DMD: variants seen among roughly 807,000 people sequenced by gnomAD.
DMD encodes the protein mutant dystrophin.
In DMD, 63 loss-of-function variants were observed where a neutral mutation model predicts 330.1. The ratio of observed to expected loss-of-function variants is 0.19; its 90% CI spans 0.16 to 0.24. DMD has a LOEUF of 0.24. Ranked by LOEUF, DMD falls within the 10% of genes least tolerant of loss-of-function variation. The pLI is 1.00. For missense variants in DMD, 3,344 were observed against 2,684.1 expected (o/e 1.25, Z -5.43); for synonymous variants, 1,223 against 959.8 (o/e 1.27, Z -5.07).
chrX:31,928,282 A>G (rs143424769), intron 47 of DMD, among the ~76,000 whole-genome samples: 2,152 of 111,587 alleles, frequency 0.019, 58 homozygotes, highest in African/African-American at 0.066. Flanking sequence ...CTATTGCTTA[A>G]TGGTTACAGA....
rs758748257 is a variant in DMD at position 31,216,862 on chromosome X, A to G, written c.9361+6185T>C. 3.6e-5 allele frequency among the ~76,000 whole-genome samples: 4 copies of G among 111,092 alleles called. No individual in the cohort carries two copies. In the East Asian group the frequency reaches 1.1e-3, roughly 32 times the overall value. ...TCCAGAAACTGTGACTATTCACACAACTCCAGCCTGTACCAAATCTCTATA... is the reference window on the plus strand; with the variant it reads ...TCCAGAAACTGTGACTATTCACACAGCTCCAGCCTGTACCAAATCTCTATA... On this transcript the variant is annotated intron_variant, in intron 64 of 78. Transcript: ENST00000357033.
intron 60 of DMD, among the ~76,000 whole-genome samples, chrX:31,388,969 A>G (rs2060582011): frequency 8.9e-6 from 1 of 112,760 alleles, no homozygotes; most frequent in Non-Finnish European, 1.9e-5. Context: ...TCAGCATCCT[A>G]TTAGGAAAAG....
Position 31,679,489 on chromosome X carries a change from C to T in DMD, c.7758G>A (p.Leu2586=). The change falls in exon 53 of 79, where the codon CTG becomes CTA. Residue 2586 remains leucine (L), a synonymous_variant. Coordinates refer to ENST00000357033, the MANE Select transcript of DMD (RefSeq NM_004006.3). ...CCTGCTCAGCTTCTTCCTTAGCTTC[C>T]AGCCATTGTGTTGAATCCTTTAACA... ...NEMLKDSTQW[L]EAKEEAEQVL... 8.3e-7 allele frequency: 1 copy of T among 1,211,853 alleles called. No homozygotes were observed. The highest frequency in any genetic ancestry group is 3.0e-5 in the East Asian group (1 of 33,846).
intron 55 of DMD, among the ~76,000 whole-genome samples, chrX:31,621,204 C>T (rs993926259): frequency 7.2e-5 from 8 of 111,790 alleles, no homozygotes; most frequent in African/African-American, 2.3e-4. Flanking sequence ...ACTGATTTCT[C>T]ATTTTACCTC....
intron 2 of DMD, among the ~76,000 whole-genome samples, chrX:32,900,703 T>G (rs1310342335): frequency 9.0e-6 from 1 of 110,848 alleles, no homozygotes; most frequent in Non-Finnish European, 1.9e-5. Flanking sequence ...TGCTCTATAT[T>G]CCTTACACAT....
At position 32,365,175 on chromosome X, in the gene DMD, G is replaced by C. The variant is rs762250680; in HGVS notation, c.4870C>G (p.Gln1624Glu). The change falls in exon 35 of 79, where the codon CAG (glutamine) becomes GAG (glutamate). Residue 1624 changes from glutamine (Q) to glutamate (E), a missense_variant. Gln to Glu is a conservative substitution (Grantham distance 29). Transcript: ENST00000357033. ...GKATQKEIEKQKVHLKSITEV... is the reference protein window; with the variant it reads ...GKATQKEIEKEKVHLKSITEV... ...GTGATACTCTTCAGGTGCACCTTCT[G>C]TTTCTCAATCTCTTTTTGAGTAGCC... 2.5e-6 allele frequency: 3 copies of C among 1,210,744 alleles called. No homozygotes were observed. The highest frequency in any genetic ancestry group is 3.4e-6 in the Non-Finnish European group (3 of 895,048).
chrX:32,774,635 G>C (rs1410235156), intron 7 of DMD, among the ~76,000 whole-genome samples: 1 of 110,940 alleles, frequency 9.0e-6, no homozygotes. Flanking sequence ...GAACTTGTGA[G>C]AACTATCATG....
intron 2 of DMD, among the ~76,000 whole-genome samples, chrX:32,902,349 T>C (rs2086341624): frequency 9.0e-6 from 1 of 110,989 alleles, no homozygotes; most frequent in South Asian, 3.7e-4. Context: ...ATTCATGATA[T>C]ATTTAGAAAG....
chrX:32,520,094 G>T (rs1184526494), intron 17 of DMD, among the ~76,000 whole-genome samples: 1 of 111,815 alleles, frequency 8.9e-6, no homozygotes, highest in South Asian at 3.7e-4. Flanking sequence ...CCATGTCACT[G>T]AATGTCAGTA....
intron 44 of DMD, among the ~76,000 whole-genome samples, chrX:32,186,979 TAGAC>T (rs750134771): frequency 8.1e-5 from 9 of 110,914 alleles, no homozygotes; most frequent in East Asian, 5.6e-4. Context: ...TAAAAAGAAT[TAGAC>T]AGCACCGTGA....
At chrX:32,485,734 CTTTTTTTTTTTTTTTT>C (rs5902034) in intron 20 of DMD, among the ~76,000 whole-genome samples, 7 of 36,149 alleles carry the variant, frequency 1.9e-4, no homozygotes, top group Non-Finnish European at 3.3e-4. Context: ...GCAACCACTG[CTTTTTTTTTTTTTTTT>C]TTTTTTTTTT....
At chrX:31,437,114 C>G (rs1485697323) in intron 60 of DMD, among the ~76,000 whole-genome samples, 6 of 111,571 alleles carry the variant, frequency 5.4e-5, no homozygotes, top group African/African-American at 1.9e-4. Flanking sequence ...CTGTGTATTT[C>G]TCAATAACAT....
At chrX:31,735,373 C>T (rs2149045512) in intron 51 of DMD, among the ~76,000 whole-genome samples, 1 of 111,602 alleles carries the variant, frequency 9.0e-6, no homozygotes, top group African/African-American at 3.3e-5. Flanking sequence ...CAGGCCCTGA[C>T]TAATACACTC....
chrX:33,156,642 C>T (rs2048519369), intron 1 of DMD, among the ~76,000 whole-genome samples: 1 of 111,865 alleles, frequency 8.9e-6, no homozygotes, highest in African/African-American at 3.2e-5. Context: ...TCAAGAAAAA[C>T]AAATATAATG....
chrX:32,524,033 C>T (rs1308755028), intron 17 of DMD, among the ~76,000 whole-genome samples: 1 of 107,344 alleles, frequency 9.3e-6, no homozygotes, highest in Non-Finnish European at 1.9e-5. Flanking sequence ...CCCAGGTTCA[C>T]GCCATTCTCC....
chrX:33,057,380 T>G (rs767134568), intron 1 of DMD, among the ~76,000 whole-genome samples: 1 of 112,154 alleles, frequency 8.9e-6, no homozygotes, highest in African/African-American at 3.2e-5. Context: ...TTTTATAATT[T>G]GAATTAAATG....
intron 2 of DMD, among the ~76,000 whole-genome samples, chrX:32,956,328 T>C (rs1357282881): frequency 8.9e-6 from 1 of 112,199 alleles, no homozygotes; most frequent in Non-Finnish European, 1.9e-5. Context: ...TTTGTTTCTG[T>C]CATCTCTGAT....
chrX:31,716,491 C>T (rs2085056816), intron 52 of DMD, among the ~76,000 whole-genome samples: 1 of 111,413 alleles, frequency 9.0e-6, no homozygotes, highest in South Asian at 3.7e-4. Context: ...GCGGAGGTTG[C>T]TGTGAGCCAA....
chrX:31,706,645 G>A (rs1036359927), intron 52 of DMD, among the ~76,000 whole-genome samples: 3 of 111,531 alleles, frequency 2.7e-5, no homozygotes, highest in African/African-American at 9.8e-5. Context: ...TAGTGCCAAT[G>A]GAAAATTCCA....
Sources: gnomAD v4.1 joint callset for allele counts (sites outside exome capture counted in the v4.1 genomes callset) on GRCh38, gnomAD v4.1.1 for gene constraint, MANE v1.5 for transcripts, NCBI Gene and HGNC (gene_info 2026-07-23, HGNC 2026-07-21) for gene names.